TRAF3IP3: variants seen among roughly 807,000 people sequenced by gnomAD.
TRAF3IP3 encodes TRAF3-interacting JNK-activating modulator.
In TRAF3IP3, 64 loss-of-function variants were observed where a neutral mutation model predicts 86.5. That is an observed-to-expected ratio of 0.74 (90% CI 0.60 to 0.91). The LOEUF (loss-of-function observed/expected upper bound fraction) is 0.91. TRAF3IP3 is among the 40% of genes least tolerant of loss of function. The pLI, the probability that TRAF3IP3 is intolerant of heterozygous loss-of-function variation, is 0.00. For missense variants in TRAF3IP3, 579 were observed against 642.9 expected, an observed-to-expected ratio of 0.90 and a Z score of 1.07; for synonymous variants, 220 against 243.9, an observed-to-expected ratio of 0.90 and a Z score of 0.91.
intron 10 of TRAF3IP3, 38 bp downstream of exon 10, chr1:209,775,527 C>CAGGCAGCTTGGGGAACAAGGGG (rs2077634356): frequency 1.2e-6 from 2 of 1,614,046 alleles, no homozygotes; most frequent in Admixed American, 1.7e-5. Flanking sequence ...CTGGGGACTC[C>CAGGCAGCTTGGGGAACAAGGGG]AGGCAGCTTG....
At chr1:209,767,460 C>A (rs1174988932) in intron 8 of TRAF3IP3, among the ~76,000 whole-genome samples, 1 of 152,054 alleles carries the variant, frequency 6.6e-6, no homozygotes, top group East Asian at 1.9e-4. Context: ...CTTTGGGGGG[C>A]CAAGGCAGAA....
In TRAF3IP3 at chr1:209,777,823, G is replaced by A. The variant is rs549364019; in HGVS notation, c.1190-288G>A. 4.7e-5 allele frequency: 25 copies of A among 532,352 alleles called. 1 individual carries two copies. The highest frequency in any genetic ancestry group is 2.6e-4 in the South Asian group (10 of 38,828). The allele number at this position is 532,352 out of a possible 1,614,324, so 33.0% of individuals were successfully genotyped here. ...AGGGAAAGGTCAGTTGAAACACAAG[G>A]CATAGAGAAAGTCTCTCAGTCACAT... On this transcript the variant is annotated intron_variant, in intron 12 of 16. Coordinates refer to ENST00000367025, the MANE Select transcript of TRAF3IP3 (RefSeq NM_025228.4).
At chr1:209,765,391 G>T in intron 8 of TRAF3IP3, among the ~76,000 whole-genome samples, 1 of 152,174 alleles carries the variant, frequency 6.6e-6, no homozygotes, top group East Asian at 1.9e-4. Flanking sequence ...AACAGTCTGG[G>T]TGCGGTGGTT....
intron 8 of TRAF3IP3, among the ~76,000 whole-genome samples, chr1:209,772,723 G>A (rs1454141426): frequency 1.3e-5 from 2 of 151,048 alleles, no homozygotes; most frequent in Non-Finnish European, 2.9e-5. Flanking sequence ...GAGGTAAAAA[G>A]AGGACTTGAG....
At chr1:209,770,619 T>C (rs1473242243) in intron 8 of TRAF3IP3, among the ~76,000 whole-genome samples, 1 of 130,006 alleles carries the variant, frequency 7.7e-6, no homozygotes, top group Non-Finnish European at 1.6e-5. Context: ...TGTGTGCAGC[T>C]GGAAGTTGTG....
intron 16 of TRAF3IP3, 156 bp downstream of exon 16, chr1:209,781,614 GA>G (rs2077782124): frequency 1.9e-6 from 1 of 540,540 alleles, no homozygotes; most frequent in Non-Finnish European, 3.3e-6. Context: ...GGCAACCATT[GA>G]AAAAAACACT....
chr1:209,777,759 C>T, intron 12 of TRAF3IP3: 1 of 501,632 alleles, frequency 2.0e-6, no homozygotes, highest in African/African-American at 1.9e-5. Flanking sequence ...GCTGCTCCCA[C>T]ATCAGTCACA....
intron 8 of TRAF3IP3, chr1:209,768,560 C>T (rs111927923): frequency 1.0e-6 from 1 of 985,654 alleles, no homozygotes; most frequent in Non-Finnish European, 1.2e-6. Context: ...GAGCTGTGGG[C>T]TGGTGCTTCT....
rs748627619 is a variant in TRAF3IP3, at chr1:209,763,528, A to G, written c.643A>G (p.Met215Val). 2 of 1,614,194 alleles carry G rather than the reference A, an allele frequency of 1.2e-6. No individual in the cohort carries two copies. Among genetic ancestry groups the G allele is most frequent in the South Asian group, 2.2e-5 (2 of 91,090 alleles). ...AAGGGAGCTGGTCCTAAAACAGAAAATGGTGATTCTCCAAGACCTACTGTC... is the reference window on the plus strand; with the variant it reads ...AAGGGAGCTGGTCCTAAAACAGAAAGTGGTGATTCTCCAAGACCTACTGTC... ...LQRELVLKQK[M>V]VILQDLLSTL... Residue 215 changes from methionine to valine, a missense_variant, in exon 8 of 17, where the codon ATG (methionine) becomes GTG (valine). Met to Val is a conservative substitution (Grantham distance 21). Coordinates refer to ENST00000367025, the MANE Select transcript of TRAF3IP3 (RefSeq NM_025228.4).
intron 13 of TRAF3IP3, 113 bp downstream of exon 13, chr1:209,778,286 C>A: frequency 1.3e-6 from 1 of 763,136 alleles, no homozygotes; most frequent in Admixed American, 2.7e-5. Flanking sequence ...TGCTCTAACT[C>A]TGTGCACTTT....
Position 209,781,403 on chromosome 1 carries a change from G to A in TRAF3IP3, c.1508G>A (p.Arg503His), listed in dbSNP as rs771216589. The part of the protein sequence containing the change: ...NLSDEYLSCL[R>H]KLQHCREELN... The stretch of plus-strand genomic sequence containing the variant: ...AGTGACGAGTATCTCTCCTGCCTGC[G>A]TAAGCTGCAGCACTGTCGAGAAGAG... Residue 503 changes from arginine (R) to histidine (H), a missense_variant, in exon 16 of 17, where the codon CGT becomes CAT. Physicochemically the swap from Arg to His is conservative, Grantham distance 29. Coordinates refer to ENST00000367025, the MANE Select transcript of TRAF3IP3 (RefSeq NM_025228.4). 6.1e-5 allele frequency: 99 copies of A among 1,613,588 alleles called. No homozygotes were observed. Among genetic ancestry groups the A allele is most frequent in the Admixed American group, 2.0e-4 (12 of 59,988 alleles).
At chr1:209,760,443 G>T in intron 3 of TRAF3IP3, 59 bp downstream of exon 3, 1 of 1,429,530 alleles carries the variant, frequency 7.0e-7, no homozygotes, top group Non-Finnish European at 9.4e-7. Flanking sequence ...GGACAAGGAG[G>T]GTGGGTGGGC....
At chr1:209,763,253 C>T in intron 6 of TRAF3IP3, 110 bp from the exon 7 acceptor site, 1 of 1,436,922 alleles carries the variant, frequency 7.0e-7, no homozygotes, top group Non-Finnish European at 9.8e-7. Context: ...CCTGTCAGAG[C>T]CAAAGCAGAA....
At chr1:209,778,999 C>T (rs1217810920) in intron 13 of TRAF3IP3, 2 of 371,154 alleles carry the variant, frequency 5.4e-6, no homozygotes, top group African/African-American at 4.2e-5. Flanking sequence ...CTCTGTGTCT[C>T]TTCACATTGT....
At chr1:209,767,897 C>T (rs1430409752) in intron 8 of TRAF3IP3, among the ~76,000 whole-genome samples, 1 of 152,080 alleles carries the variant, frequency 6.6e-6, no homozygotes, top group African/African-American at 2.4e-5. Flanking sequence ...TGCTCCAGCC[C>T]AAGAGCAGAA....
Position 209,777,985 on chromosome 1 carries a change from G to A in TRAF3IP3, c.1190-126G>A, listed in dbSNP as rs944531989. ...TTCAGAACTGGGACACGAAGATAGA[G>A]CAACTTCCAATAGACACACGTTAAA... On this transcript the variant is annotated intron_variant, in intron 12 of 16. Coordinates refer to ENST00000367025, the MANE Select transcript of TRAF3IP3 (RefSeq NM_025228.4). 4 of 835,142 alleles carry A rather than the reference G, an allele frequency of 4.8e-6. No individual in the cohort carries two copies. The African/African-American group carries it at 5.2e-5, about 11-fold the overall frequency. The allele number at this position is 835,142 out of a possible 1,614,324, so 51.7% of individuals were successfully genotyped here.
In TRAF3IP3 at chr1:209,780,480, G is replaced by T. The variant is rs1317693349; in HGVS notation, c.1323G>T (p.Leu441Phe). ...EKLLTKKDQA[L>F]PVWSPKSFPN... ...TGGCTGCTTTTTTAGATCAGGCTTT[G>T]CCCGTGTGGAGTCCAAAGTCCTTCC... Residue 441 changes from leucine (L) to phenylalanine (F), a missense_variant, in exon 15 of 17, where the codon TTG becomes TTT. Coordinates refer to ENST00000367025, the MANE Select transcript of TRAF3IP3 (RefSeq NM_025228.4). 1.3e-6 allele frequency: 2 copies of T among 1,588,660 alleles called. No individual in the cohort carries two copies. The highest frequency in any genetic ancestry group is 4.6e-5 in the East Asian group (2 of 43,574).
At chr1:209,779,181 AT>A in intron 13 of TRAF3IP3, 133 bp from the exon 14 acceptor site, 1 of 665,832 alleles carries the variant, frequency 1.5e-6, no homozygotes, top group Non-Finnish European at 2.6e-6. Flanking sequence ...CAACATATAT[AT>A]TCTGGGGGAC....
intron 8 of TRAF3IP3, among the ~76,000 whole-genome samples, chr1:209,765,208 A>AGG (rs1482281703): frequency 5.9e-5 from 8 of 135,944 alleles, no homozygotes; most frequent in South Asian, 2.5e-4. Flanking sequence ...AGAGAGAGAG[A>AGG]GAGAGGGAGA....
Sources: gnomAD v4.1 joint callset for allele counts (sites outside exome capture counted in the v4.1 genomes callset) on GRCh38, gnomAD v4.1.1 for gene constraint, MANE v1.5 for transcripts, NCBI Gene and HGNC (gene_info 2026-07-23, HGNC 2026-07-21) for gene names.